The following C19orf81 variants were observed in gnomAD, a reference collection of about 807,000 sequenced individuals.
C19orf81 encodes the protein putative uncharacterized protein C19orf81.
In C19orf81, 19 loss-of-function variants were observed where a neutral mutation model predicts 22.1. The observed-to-expected ratio is 0.86, with a 90% CI of 0.60 to 1.26. The LOEUF (loss-of-function observed/expected upper bound fraction) is 1.26, where lower values mean the gene tolerates loss of function less well. Ranked by LOEUF, C19orf81 falls within the 50% of genes most tolerant of loss-of-function variation. C19orf81 has a pLI of 0.00. For synonymous variants in C19orf81, 108 were observed against 113.1 expected, an observed-to-expected ratio of 0.95 and a Z score of 0.29; for missense variants, 287 against 280.7, an observed-to-expected ratio of 1.02 and a Z score of -0.16.
At chr19:50,653,318 C>T (rs1227541524) in intron 1 of C19orf81, among the ~76,000 whole-genome samples, 1 of 152,054 alleles carries the variant, frequency 6.6e-6, no homozygotes, top group African/African-American at 2.4e-5. Context: ...GGATTACAGG[C>T]GTGAGCTACT....
In C19orf81 at chr19:50,654,281, CATCT is replaced by C. The variant is rs551768195; in HGVS notation, c.68-1768_68-1765del. ...TCTCTTTCTCCTTCTTCCCTCCCTC[CATCT>C]CTCTCTTTTCTTTCTCTCCCTCTCT... On this transcript the variant is annotated intron_variant, in intron 1 of 4. Coordinates refer to ENST00000425202, the MANE Select transcript of C19orf81 (RefSeq NM_001195076.2). Among the ~76,000 whole-genome samples, 18 of 152,130 alleles carry C rather than the reference CATCT, an allele frequency of 1.2e-4. No individual in the cohort carries two copies. In the East Asian group the frequency reaches 3.3e-3, roughly 28 times the overall value.
At chr19:50,655,720 A>T (rs894251268) in intron 1 of C19orf81, among the ~76,000 whole-genome samples, 2 of 152,098 alleles carry the variant, frequency 1.3e-5, no homozygotes, top group Admixed American at 6.5e-5. Context: ...CACAGTGAAG[A>T]AGTAAGCCTG....
In C19orf81 at chr19:50,656,260, G is replaced by C; in HGVS notation, c.175G>C (p.Glu59Gln). The C allele has an allele frequency of 6.5e-7, 1 of 1,536,148 alleles. No individual in the cohort carries two copies. The highest frequency in any genetic ancestry group is 8.7e-7 in the Non-Finnish European group (1 of 1,146,910). ...QYLRQVIAEY[E>Q]ALDRELPCIR... ...CCTGCGGCAGGTCATTGCAGAGTAC[G>C]AGGCACTGGACCGAGAACTCCCGTG... The change falls in exon 3 of 5, where the codon GAG (glutamate) becomes CAG (glutamine). Residue 59 changes from glutamate to glutamine, a missense_variant. Coordinates refer to ENST00000425202, the MANE Select transcript of C19orf81 (RefSeq NM_001195076.2).
At chr19:50,657,691 C>T (rs983378095) in intron 3 of C19orf81, among the ~76,000 whole-genome samples, 3 of 152,186 alleles carry the variant, frequency 2.0e-5, no homozygotes, top group African/African-American at 7.2e-5. Context: ...GTAAAGTTGG[C>T]TAAGTTGGTG....
At chr19:50,657,546 T>A (rs56013047) in intron 3 of C19orf81, among the ~76,000 whole-genome samples, 2 of 152,114 alleles carry the variant, frequency 1.3e-5, no homozygotes, top group African/African-American at 4.8e-5. Context: ...GACCCTTATC[T>A]TTTGACTACT....
chr19:50,652,413 A>G (rs771837605), intron 1 of C19orf81, among the ~76,000 whole-genome samples: 6 of 152,190 alleles, frequency 3.9e-5, no homozygotes, highest in Non-Finnish European at 8.8e-5. Context: ...CATAGAAATA[A>G]AGGTAAAATT....
intron 3 of C19orf81, among the ~76,000 whole-genome samples, chr19:50,656,896 G>C (rs952819761): frequency 6.6e-6 from 1 of 151,376 alleles, no homozygotes; most frequent in Non-Finnish European, 1.5e-5. Flanking sequence ...AGGTTGCAGT[G>C]AGCCGAGATC....
chr19:50,658,835 G>T (rs75982047), intron 4 of C19orf81, 112 bp from the exon 5 acceptor site: 2 of 961,640 alleles, frequency 2.1e-6, no homozygotes, highest in South Asian at 5.1e-5. Flanking sequence ...GCGATGGTCC[G>T]CTGGACCAGG....
At chr19:50,658,437 T>G in intron 4 of C19orf81, 1 of 307,546 alleles carries the variant, frequency 3.3e-6, no homozygotes, top group Non-Finnish European at 6.0e-6. Context: ...GCAGAGCCAC[T>G]GAGGGGCGGG....
intron 1 of C19orf81, among the ~76,000 whole-genome samples, chr19:50,653,725 C>T (rs1461326750): frequency 4.0e-5 from 6 of 148,338 alleles, no homozygotes; most frequent in Admixed American, 3.3e-4. Context: ...CACACACACA[C>T]ACACACACAC....
intron 1 of C19orf81, among the ~76,000 whole-genome samples, chr19:50,650,621 A>G (rs1035084881): frequency 3.9e-5 from 6 of 152,152 alleles, no homozygotes; most frequent in African/African-American, 1.4e-4. Flanking sequence ...CAGCGAGCCA[A>G]GATTGTGCCA....
At position 50,659,214 on chromosome 19, in the gene C19orf81, G is replaced by C; in HGVS notation, c.*72G>C. 2.5e-6 allele frequency: 3 copies of C among 1,223,702 alleles called. No individual in the cohort carries two copies. Among genetic ancestry groups the C allele is most frequent in the Non-Finnish European group, 3.1e-6 (3 of 970,164 alleles). The allele number at this position is 1,223,702 out of a possible 1,614,324, so 75.8% of individuals were successfully genotyped here. A position where few individuals can be genotyped will look rare whatever the true frequency, so the allele number is the denominator to read the frequency against. On this transcript the variant is annotated 3_prime_UTR_variant, in exon 5 of 5. Transcript: ENST00000425202. Reference sequence around the variant, plus strand: ...GGGCCACCCACCCGGAGCCCCGGAGGACAGGGGGCGTTGCCTTCCCAGGAA... The same window carrying C: ...GGGCCACCCACCCGGAGCCCCGGAGCACAGGGGGCGTTGCCTTCCCAGGAA...
rs777688296 is a variant in C19orf81 at position 50,658,080 on chromosome 19, G to C, written c.353G>C (p.Arg118Pro). The change falls in exon 4 of 5, where the codon CGC becomes CCC. Residue 118 changes from arginine to proline, a missense_variant. Physicochemically the swap from Arg to Pro is moderately radical, Grantham distance 103. Transcript: ENST00000425202. ...GAGAGCGGGCGCGTGAGCAGCATCCGCTTTGAGAACATGAACGTCATCTGT... is the reference window on the plus strand; with the variant it reads ...GAGAGCGGGCGCGTGAGCAGCATCCCCTTTGAGAACATGAACGTCATCTGT... ...AMESGRVSSI[R>P]FENMNVICGT... 1.1e-4 allele frequency: 173 copies of C among 1,535,960 alleles called. No homozygotes were observed. In the African/African-American group the frequency reaches 2.2e-3, roughly 20 times the overall value.
At chr19:50,655,936 T>C in intron 1 of C19orf81, 114 bp from the exon 2 acceptor site, 1 of 992,268 alleles carries the variant, frequency 1.0e-6, no homozygotes, top group South Asian at 1.4e-5. Flanking sequence ...ACTCAACATC[T>C]GGCATACAAG....
intron 1 of C19orf81, among the ~76,000 whole-genome samples, chr19:50,651,694 C>T (rs1984881608): frequency 6.6e-6 from 1 of 150,956 alleles, no homozygotes; most frequent in South Asian, 2.1e-4. Context: ...CACAGTGAGA[C>T]TCTGTCACCA....
intron 4 of C19orf81, 88 bp downstream of exon 4, chr19:50,658,216 G>C: frequency 7.6e-7 from 1 of 1,320,638 alleles, no homozygotes; most frequent in South Asian, 1.5e-5. Flanking sequence ...GTTTTAGAGC[G>C]CTGAGGGACG....
At chr19:50,650,954 C>T (rs575513069) in intron 1 of C19orf81, among the ~76,000 whole-genome samples, 29 of 152,348 alleles carry the variant, frequency 1.9e-4, no homozygotes, top group African/African-American at 7.0e-4. Flanking sequence ...GGAGTTGAGT[C>T]GACCAGTTGG....
At chr19:50,654,699 G>A (rs1360319463) in intron 1 of C19orf81, among the ~76,000 whole-genome samples, 3 of 148,728 alleles carry the variant, frequency 2.0e-5, no homozygotes, top group Non-Finnish European at 4.4e-5. Context: ...GTACAATCAT[G>A]GCTCACTGCA....
In C19orf81 at chr19:50,659,270, CTG is replaced by C. The variant is rs1220779203; in HGVS notation, c.*131_*132del. 13 of 712,196 alleles carry C rather than the reference CTG, an allele frequency of 1.8e-5. No individual in the cohort carries two copies. Among genetic ancestry groups the C allele is most frequent in the Non-Finnish European group, 2.6e-5 (13 of 508,712 alleles). 44.1% of individuals were successfully genotyped at this position (712,196 alleles called of 1,614,324 possible). ...CGGGGCCGGCTCGAGGGGGTGGATACTGTGAGTTTAATTATAAAGAATGACCT... is the reference window on the plus strand; with the variant it reads ...CGGGGCCGGCTCGAGGGGGTGGATACTGAGTTTAATTATAAAGAATGACCT... On this transcript the variant is annotated 3_prime_UTR_variant, in exon 5 of 5. Transcript: ENST00000425202.
Sources: allele counts gnomAD v4.1 joint callset (sites outside exome capture counted in the v4.1 genomes callset), GRCh38; gene constraint gnomAD v4.1.1; transcripts MANE v1.5; gene names NCBI Gene and HGNC (gene_info 2026-07-23, HGNC 2026-07-21).